Variants in CUX1 observed in about 807,000 individuals in gnomAD.
CUX1 encodes the protein protein CASP.
Under a neutral mutation model 158.8 loss-of-function variants are expected in CUX1, and 31 were observed. The observed-to-expected ratio is 0.20, with a 90% CI of 0.15 to 0.26. The LOEUF is 0.26. CUX1 is among the 10% of genes least tolerant of loss of function. CUX1 has a pLI of 1.00. For synonymous variants in CUX1, 879 were observed against 862.1 expected, an observed-to-expected ratio of 1.02 and a Z score of -0.34; for missense variants, 1,589 against 2,014.6, an observed-to-expected ratio of 0.79 and a Z score of 4.04.
chr7:101,869,954 A>G lies in CUX1; in HGVS notation c.31-46161A>G, dbSNP rs1798310559. ...CCCCGCAGAACCACCACCCTTGGGA[A>G]GGCGGCTCCTCGTGCCCCCCCTCTT... On this transcript the variant is annotated intron_variant, in intron 1 of 23. Transcript: ENST00000292535. The surrounding 1 kb of genome is among the most constrained non-coding windows in gnomAD (Gnocchi z 4.5). Among the ~76,000 whole-genome samples the G allele has an allele frequency of 1.3e-5, 2 of 151,952 alleles. No individual in the cohort carries two copies. Among genetic ancestry groups the G allele is most frequent in the African/African-American group, 4.8e-5 (2 of 41,370 alleles).
intron 14 of CUX1, among the ~76,000 whole-genome samples, chr7:102,266,624 G>A (rs933202447): frequency 6.6e-6 from 1 of 152,060 alleles, no homozygotes; most frequent in African/African-American, 2.4e-5. Flanking sequence ...GTGCAGCAGC[G>A]GCAAGAAGCT....
chr7:102,107,332 A>G (rs1830462786), intron 6 of CUX1, among the ~76,000 whole-genome samples: 1 of 152,180 alleles, frequency 6.6e-6, no homozygotes, highest in East Asian at 1.9e-4. Context: ...TGAGGTCAGG[A>G]GTTCAAGACC....
intron 13 of CUX1, among the ~76,000 whole-genome samples, chr7:102,194,633 T>C (rs781926417): frequency 2.7e-5 from 4 of 150,592 alleles, no homozygotes; most frequent in South Asian, 2.1e-4. Flanking sequence ...CAGCCAAAAA[T>C]GGATTGGTTT....
intron 1 of CUX1, among the ~76,000 whole-genome samples, chr7:101,842,499 T>G (rs1283804321): frequency 2.6e-5 from 4 of 152,138 alleles, no homozygotes; most frequent in Non-Finnish European, 5.9e-5. Flanking sequence ...GCAATTCTTG[T>G]GCCTCAGCCT....
In CUX1 at chr7:102,227,500, G is replaced by A; in HGVS notation, c.3264G>A (p.Lys1088=). ...CPPIEASKDS[K]PPEPSDPPAS... ...CCATCGAGGCGAGCAAGGACAGCAA[G>A]CCACCAGAGCCCAGTGACCCGCCAG... The change falls in exon 21 of 24, where the codon AAG becomes AAA. Residue 1088 remains lysine, a synonymous_variant. Transcript: ENST00000292535. The A allele has an allele frequency of 1.2e-6, 2 of 1,614,086 alleles. No individual in the cohort carries two copies. Among genetic ancestry groups the A allele is most frequent in the Non-Finnish European group, 1.7e-6 (2 of 1,180,020 alleles).
At chr7:102,200,266 T>A (rs1586178558) in intron 17 of CUX1, 94 bp downstream of exon 17, 4 of 976,032 alleles carry the variant, frequency 4.1e-6, no homozygotes, top group South Asian at 1.7e-5. Flanking sequence ...ATTTTTTTTT[T>A]AAACAATAAT....
chr7:102,257,668 G>A lies in CUX1; in HGVS notation c.*8626G>A. 1.0e-6 allele frequency: 1 copy of A among 985,358 alleles called. No individual in the cohort carries two copies. The allele number at this position is 985,358 out of a possible 1,614,324, so 61.0% of individuals were successfully genotyped here. A position where few individuals can be genotyped will look rare whatever the true frequency, so the allele number is the denominator to read the frequency against. On this transcript the variant is annotated 3_prime_UTR_variant, in exon 24 of 24. Coordinates refer to ENST00000292535, the MANE Select transcript of CUX1 (RefSeq NM_181552.4). ...ACAGCACAAGACGCACTCACAGGGTGGCGGAATCTTCCGGAAAACTCTCTA... is the reference window on the plus strand; with the variant it reads ...ACAGCACAAGACGCACTCACAGGGTAGCGGAATCTTCCGGAAAACTCTCTA...
chr7:102,257,536 C>T lies in CUX1; in HGVS notation c.*8494C>T. 1.0e-6 allele frequency: 1 copy of T among 985,316 alleles called. No individual in the cohort carries two copies. The highest frequency in any genetic ancestry group is 4.7e-5 in the South Asian group (1 of 21,284). The allele number at this position is 985,316 out of a possible 1,614,324, so 61.0% of individuals were successfully genotyped here. ...GGGGTAAAAAGAAGGTGGTTTTCCCCACATCCCTTTGCATTGAATAAGAGA... is the reference window on the plus strand; with the variant it reads ...GGGGTAAAAAGAAGGTGGTTTTCCCTACATCCCTTTGCATTGAATAAGAGA... On this transcript the variant is annotated 3_prime_UTR_variant, in exon 24 of 24. Transcript: ENST00000292535.
intron 1 of CUX1, among the ~76,000 whole-genome samples, chr7:101,825,037 TATTTCTGCTGCATAC>T (rs1793100499): frequency 6.6e-6 from 1 of 152,190 alleles, no homozygotes; most frequent in Non-Finnish European, 1.5e-5. Flanking sequence ...TCCAGTGAAT[TATTTCTGCTGCATAC>T]AGTTCTGCTG....
chr7:102,019,919 T>C (rs1159318604), intron 2 of CUX1, among the ~76,000 whole-genome samples: 1 of 152,228 alleles, frequency 6.6e-6, no homozygotes, highest in African/African-American at 2.4e-5. Flanking sequence ...TATATTGTGG[T>C]AATTACATGT....
At chr7:102,182,013 C>T (rs782406607) in intron 11 of CUX1, among the ~76,000 whole-genome samples, 20 of 152,246 alleles carry the variant, frequency 1.3e-4, no homozygotes, top group Non-Finnish European at 2.6e-4. Flanking sequence ...TTACTTACCA[C>T]GGAGCTGCTT....
At chr7:101,832,627 A>C (rs1794174251) in intron 1 of CUX1, among the ~76,000 whole-genome samples, 3 of 152,124 alleles carry the variant, frequency 2.0e-5, no homozygotes. Flanking sequence ...ATCCTTTGTA[A>C]TTCCCTGGTT....
chr7:101,881,913 C>T (rs946567977), intron 1 of CUX1, among the ~76,000 whole-genome samples: 3 of 152,074 alleles, frequency 2.0e-5, no homozygotes, highest in Non-Finnish European at 4.4e-5. Context: ...TGCAGTGGCT[C>T]ACACCTGTCA....
rs201501 is a variant in CUX1 at position 102,115,304 on chromosome 7, G to A, written c.674+31G>A. 737,357 of 1,589,068 alleles carry A rather than the reference G, an allele frequency of 0.46. 176,465 individuals are homozygous for A. Among genetic ancestry groups the A allele is most frequent in the Middle Eastern group, 0.54 (3,217 of 5,998 alleles). On this transcript the variant is annotated intron_variant, in intron 8 of 23. Coordinates refer to ENST00000292535, the MANE Select transcript of CUX1 (RefSeq NM_181552.4). ...TCTCTCTGCTTGGCCTCCCTTATCCGTACACATTTCTCACCTGATTTTGCT... is the reference window on the plus strand; with the variant it reads ...TCTCTCTGCTTGGCCTCCCTTATCCATACACATTTCTCACCTGATTTTGCT...
Position 102,251,201 on chromosome 7 carries a change from A to G in CUX1, c.*2159A>G. The G allele has an allele frequency of 2.1e-6, 2 of 964,062 alleles. No homozygotes were observed. Among genetic ancestry groups the G allele is most frequent in the Non-Finnish European group, 2.4e-6 (2 of 818,326 alleles). 59.7% of individuals were successfully genotyped at this position (964,062 alleles called of 1,614,324 possible). Reference sequence around the variant, plus strand: ...TCTTTGGATGACATTTTAATGGTGCATTCATTATTTCTTAAGTTTAATTAA... The same window carrying G: ...TCTTTGGATGACATTTTAATGGTGCGTTCATTATTTCTTAAGTTTAATTAA... On this transcript the variant is annotated 3_prime_UTR_variant, in exon 24 of 24. Transcript: ENST00000292535.
At chr7:101,947,287 G>A (rs1343454501) in intron 2 of CUX1, among the ~76,000 whole-genome samples, 2 of 152,042 alleles carry the variant, frequency 1.3e-5, no homozygotes, top group East Asian at 1.9e-4. Flanking sequence ...TCAGCCACTT[G>A]GGAGGCTGAG....
rs1215994251 is a variant in CUX1, at chr7:102,178,457, T to C, written c.829-12T>C. 7 of 1,580,702 alleles carry C rather than the reference T, an allele frequency of 4.4e-6. No homozygotes were observed. The highest frequency in any genetic ancestry group is 6.0e-6 in the Non-Finnish European group (7 of 1,157,132). On this transcript the variant is annotated splice_polypyrimidine_tract_variant and intron_variant, in intron 10 of 23. Transcript: ENST00000292535. Reference sequence around the variant, plus strand: ...GCCAGCGCAGTTTTGTCATCTCTTTTCTCCTCCCCAGGAGCAGGCCATAGA... The same window carrying C: ...GCCAGCGCAGTTTTGTCATCTCTTTCCTCCTCCCCAGGAGCAGGCCATAGA...
In CUX1 at chr7:101,850,600, G is replaced by A. The variant is rs146134990; in HGVS notation, c.30+32931G>A. 2.6e-3 allele frequency among the ~76,000 whole-genome samples: 390 copies of A among 151,684 alleles called. 6 individuals are homozygous for A. Among genetic ancestry groups the A allele is most frequent in the Admixed American group, 0.019 (283 of 15,238 alleles). On this transcript the variant is annotated intron_variant, in intron 1 of 23. Coordinates refer to ENST00000292535, the MANE Select transcript of CUX1 (RefSeq NM_181552.4). ...CTCACCATGTTACCCAGGTGGTCTC[G>A]AACTCCTGGGCTCAAGCAATCCTCC...
chr7:102,085,310 T>G (rs1827845455), intron 4 of CUX1, among the ~76,000 whole-genome samples: 1 of 152,214 alleles, frequency 6.6e-6, no homozygotes, highest in Admixed American at 6.5e-5. Context: ...TACTGAGGAC[T>G]TTTGCCGTTA....
Sources: gnomAD v4.1 joint callset for allele counts (sites outside exome capture counted in the v4.1 genomes callset) on GRCh38, gnomAD v4.1.1 for gene constraint, Gnocchi (gnomAD v3.1) non-coding constraint, MANE v1.5 for transcripts, NCBI Gene and HGNC (gene_info 2026-07-23, HGNC 2026-07-21) for gene names.